Variants in DOK6 observed in about 807,000 individuals in gnomAD.
DOK6 encodes the protein docking protein 6, also known as downstream of tyrosine kinase 6.
In DOK6, 22 loss-of-function variants were observed where a neutral mutation model predicts 44.0. The ratio of observed to expected loss-of-function variants is 0.50; its 90% confidence interval spans 0.36 to 0.71. The LOEUF is 0.71. DOK6 is among the 30% of genes least tolerant of loss of function. The pLI is 0.00. For missense variants in DOK6, 340 were observed against 416.4 expected (o/e 0.82, Z 1.60); for synonymous variants, 166 against 145.5 (o/e 1.14, Z -1.01).
intron 7 of DOK6, among the ~76,000 whole-genome samples, chr18:69,830,721 A>G (rs1467360609): frequency 6.6e-6 from 1 of 152,174 alleles, no homozygotes; most frequent in Non-Finnish European, 1.5e-5. Flanking sequence ...ACGTGAATCA[A>G]GTCTTAAGGC....
At chr18:69,659,867 A>ACATATATGTATGTTTTATACATAT (rs1985471653) in intron 3 of DOK6, 1 of 30,406 alleles carries the variant, frequency 3.3e-5, no homozygotes, top group East Asian at 4.4e-4. Context: ...TATATATATA[A>ACATATATGTATGTTTTATACATAT]AACATATATG....
intron 1 of DOK6, among the ~76,000 whole-genome samples, chr18:69,522,897 C>T (rs754969923): frequency 5.9e-5 from 9 of 151,982 alleles, no homozygotes; most frequent in East Asian, 3.8e-4. Context: ...TTCTTTCTTA[C>T]GAGGGTAGGT....
At chr18:69,778,923 A>G (rs1317553482) in intron 7 of DOK6, among the ~76,000 whole-genome samples, 1 of 152,104 alleles carries the variant, frequency 6.6e-6, no homozygotes, top group Non-Finnish European at 1.5e-5. Context: ...AATGAGTGGA[A>G]TGGGGATGGA....
chr18:69,801,441 G>A (rs1272883628), intron 7 of DOK6, among the ~76,000 whole-genome samples: 1 of 152,060 alleles, frequency 6.6e-6, no homozygotes, highest in South Asian at 2.1e-4. Context: ...ACCAAATATC[G>A]GAAGATTATG....
chr18:69,798,293 A>T (rs192462523), intron 7 of DOK6, among the ~76,000 whole-genome samples: 4 of 152,256 alleles, frequency 2.6e-5, no homozygotes, highest in African/African-American at 9.6e-5. Flanking sequence ...GAAGAAGTCT[A>T]TGATAAAGAT....
At chr18:69,578,494 G>A (rs1298726535) in intron 2 of DOK6, among the ~76,000 whole-genome samples, 4 of 152,072 alleles carry the variant, frequency 2.6e-5, no homozygotes, top group Non-Finnish European at 4.4e-5. Flanking sequence ...CATTCTACAT[G>A]GGAAATCAGA....
intron 7 of DOK6, among the ~76,000 whole-genome samples, chr18:69,834,279 A>G: frequency 6.6e-6 from 1 of 152,222 alleles, no homozygotes; most frequent in East Asian, 1.9e-4. Context: ...CCAGGCACAA[A>G]AAGACAAATA....
chr18:69,597,874 C>T (rs908741089), intron 2 of DOK6, among the ~76,000 whole-genome samples: 8 of 152,310 alleles, frequency 5.3e-5, no homozygotes, highest in African/African-American at 1.7e-4. Flanking sequence ...GTTGTAAATA[C>T]ATTTTTGCAA....
chr18:69,771,842 T>C (rs536946391), intron 7 of DOK6, among the ~76,000 whole-genome samples: 1 of 151,718 alleles, frequency 6.6e-6, no homozygotes, highest in Non-Finnish European at 1.5e-5. Context: ...AAAAATTAAG[T>C]GAAGAAAATA....
At chr18:69,498,082 A>G (rs1023656478) in intron 1 of DOK6, among the ~76,000 whole-genome samples, 3 of 152,118 alleles carry the variant, frequency 2.0e-5, no homozygotes, top group Admixed American at 2.0e-4. Context: ...AGACACACAA[A>G]AAATGAATAC....
chr18:69,679,343 AT>A (rs11284558), intron 4 of DOK6, among the ~76,000 whole-genome samples: 1,856 of 152,296 alleles, frequency 0.012, 37 homozygotes, highest in African/African-American at 0.041. Context: ...ACTATTTTTT[AT>A]TTGTTGCTAA....
chr18:69,739,242 T>C, intron 6 of DOK6, 139 bp downstream of exon 6: 1 of 1,081,264 alleles, frequency 9.2e-7, no homozygotes, highest in Non-Finnish European at 1.3e-6. Flanking sequence ...TACCCTACCC[T>C]CTCATCTCTC....
intron 4 of DOK6, among the ~76,000 whole-genome samples, chr18:69,696,250 G>A (rs1384499922): frequency 6.6e-6 from 1 of 152,132 alleles, no homozygotes; most frequent in African/African-American, 2.4e-5. Context: ...ACATTTCAGT[G>A]AAAATGTGAT....
chr18:69,519,365 TA>T (rs1280237379), intron 1 of DOK6, among the ~76,000 whole-genome samples: 1 of 151,976 alleles, frequency 6.6e-6, no homozygotes, highest in Non-Finnish European at 1.5e-5. Flanking sequence ...CAGACTAACA[TA>T]ATCAGAATAC....
intron 3 of DOK6, among the ~76,000 whole-genome samples, chr18:69,671,424 T>C (rs1985796359): frequency 6.6e-6 from 1 of 152,222 alleles, no homozygotes; most frequent in Non-Finnish European, 1.5e-5. Flanking sequence ...TAAGTTGACT[T>C]TTTCTAAGAT....
chr18:69,830,886 T>C (rs1981882416), intron 7 of DOK6, among the ~76,000 whole-genome samples: 1 of 152,218 alleles, frequency 6.6e-6, no homozygotes, highest in African/African-American at 2.4e-5. Flanking sequence ...TGACTTCTTC[T>C]GCACTATCCA....
At chr18:69,424,066 T>C (rs1978569338) in intron 1 of DOK6, among the ~76,000 whole-genome samples, 1 of 152,236 alleles carries the variant, frequency 6.6e-6, no homozygotes, top group Non-Finnish European at 1.5e-5. Context: ...AGTTTTGATA[T>C]ATAGAGTTGT....
intron 7 of DOK6, among the ~76,000 whole-genome samples, chr18:69,806,947 T>C (rs1418639255): frequency 6.6e-6 from 1 of 152,006 alleles, no homozygotes; most frequent in Non-Finnish European, 1.5e-5. Flanking sequence ...ATGAATATAT[T>C]ATGGGCAAAC....
rs184960705 is a variant in DOK6, at chr18:69,439,760, G to A, written c.66+38450G>A. ...CTTAAGGGAATGTTGTGGCTGGTTCGATCTTTTATCCAGACCACTCAAACT... is the reference window on the plus strand; with the variant it reads ...CTTAAGGGAATGTTGTGGCTGGTTCAATCTTTTATCCAGACCACTCAAACT... On this transcript the variant is annotated intron_variant, in intron 1 of 7. Coordinates refer to ENST00000382713, the MANE Select transcript of DOK6 (RefSeq NM_152721.6). 7.1e-4 allele frequency among the ~76,000 whole-genome samples: 108 copies of A among 152,258 alleles called. 1 individual carries two copies. The highest frequency in any genetic ancestry group is 1.0e-3 in the Non-Finnish European group (70 of 68,026).
Sources: gnomAD v4.1 joint callset for allele counts (sites outside exome capture counted in the v4.1 genomes callset) on GRCh38, gnomAD v4.1.1 for gene constraint, MANE v1.5 for transcripts, NCBI Gene and HGNC (gene_info 2026-07-23, HGNC 2026-07-21) for gene names.